The following DACH1 variants were observed in gnomAD, a reference collection of about 807,000 sequenced individuals.
DACH1 encodes dachshund family transcription factor 1, also known as dachshund homolog 1.
A neutral mutation model predicts 54.2 loss-of-function variants in DACH1; 12 were observed. The observed-to-expected ratio is 0.22, with a 90% CI of 0.14 to 0.36. DACH1 has a LOEUF of 0.36. Among genes scored for constraint, DACH1 ranks in the 10% least tolerant of loss-of-function variants. The pLI is 1.00. For synonymous variants in DACH1, 386 were observed against 366.2 expected, an observed-to-expected ratio of 1.05 and a Z score of -0.62; for missense variants, 805 against 929.8, an observed-to-expected ratio of 0.87 and a Z score of 1.75.
chr13:71,708,854 T>TG (rs1157811168), intron 1 of DACH1, among the ~76,000 whole-genome samples: 85 of 101,086 alleles, frequency 8.4e-4, no homozygotes, highest in South Asian at 2.8e-3. Flanking sequence ...TTTTTGTTGT[T>TG]TTTTTTTTTT....
chr13:71,555,052 TCTC>T (rs1483241210), intron 6 of DACH1, among the ~76,000 whole-genome samples: 1 of 152,156 alleles, frequency 6.6e-6, no homozygotes, highest in Non-Finnish European at 1.5e-5. Context: ...TCTTAGCCCT[TCTC>T]CACCATGGTG....
At chr13:71,577,861 T>G (rs896212271) in intron 3 of DACH1, among the ~76,000 whole-genome samples, 1 of 152,094 alleles carries the variant, frequency 6.6e-6, no homozygotes, top group Non-Finnish European at 1.5e-5. Flanking sequence ...CAATTTTGAG[T>G]GTGTGTACGC....
rs1381538669 is a variant in DACH1, at chr13:71,758,954, C to T, written c.849-77044G>A. The stretch of plus-strand genomic sequence containing the variant: ...GTCTTTTTTTTTTTTTCCTGTGGTC[C>T]TGTTTAAATTCTCACCTTGCTCTGC... On this transcript the variant is annotated intron_variant, in intron 1 of 10. Transcript: ENST00000613252. Among the ~76,000 whole-genome samples the T allele has an allele frequency of 2.0e-5, 3 of 150,142 alleles. No homozygotes were observed. The South Asian group carries it at 6.3e-4, about 32-fold the overall frequency.
chr13:71,765,215 T>G (rs1885570062), intron 1 of DACH1, among the ~76,000 whole-genome samples: 2 of 152,188 alleles, frequency 1.3e-5, no homozygotes, highest in South Asian at 4.1e-4. Flanking sequence ...CATCAAGTCA[T>G]ACAAACCAGG....
At chr13:71,688,205 T>G (rs1881280464) in intron 1 of DACH1, among the ~76,000 whole-genome samples, 1 of 152,102 alleles carries the variant, frequency 6.6e-6, no homozygotes, top group Non-Finnish European at 1.5e-5. Context: ...CCTCAGGAAA[T>G]AGACCCAACA....
Position 71,496,383 on chromosome 13 carries a change from G to A in DACH1, c.1571-7235C>T, listed in dbSNP as rs988046113. Among the ~76,000 whole-genome samples the A allele has an allele frequency of 3.4e-5, 5 of 145,968 alleles. No homozygotes were observed. The South Asian group carries it at 1.1e-3, about 31-fold the overall frequency. ...TATAGACAAAATGGAATACTATTCA[G>A]CCATAAATAAGAATGAAATTATGTC... On this transcript the variant is annotated intron_variant, in intron 6 of 10. Transcript: ENST00000613252.
At chr13:71,496,758 C>T (rs908210193) in intron 6 of DACH1, among the ~76,000 whole-genome samples, 6 of 152,050 alleles carry the variant, frequency 3.9e-5, no homozygotes, top group Non-Finnish European at 8.8e-5. Flanking sequence ...TTTCTTTCTA[C>T]CTCCATCTTC....
chr13:71,576,641 A>T (rs563245415), intron 3 of DACH1, among the ~76,000 whole-genome samples: 37 of 152,286 alleles, frequency 2.4e-4, no homozygotes, highest in Admixed American at 7.9e-4. Context: ...ATGGGTTACA[A>T]ATATAAAATG....
chr13:71,671,136 C>G (rs1383672926), intron 2 of DACH1, among the ~76,000 whole-genome samples: 1 of 151,884 alleles, frequency 6.6e-6, no homozygotes, highest in African/African-American at 2.4e-5. Flanking sequence ...TTATTCCAAA[C>G]CCTATCACAA....
At chr13:71,536,975 T>C (rs1882849576) in intron 6 of DACH1, among the ~76,000 whole-genome samples, 1 of 152,120 alleles carries the variant, frequency 6.6e-6, no homozygotes, top group Admixed American at 6.6e-5. Context: ...ATATTTTCAA[T>C]GCAAAAATCA....
At chr13:71,775,355 C>G (rs1310403853) in intron 1 of DACH1, among the ~76,000 whole-genome samples, 2 of 151,696 alleles carry the variant, frequency 1.3e-5, no homozygotes, top group African/African-American at 4.8e-5. Flanking sequence ...AGACAGATAA[C>G]AGTTATTCTG....
intron 1 of DACH1, among the ~76,000 whole-genome samples, chr13:71,721,147 A>G (rs1883212227): frequency 1.3e-5 from 2 of 152,164 alleles, no homozygotes; most frequent in Admixed American, 1.3e-4. Context: ...CCCTATACAT[A>G]GTGTCGATGT....
At chr13:71,735,257 G>A (rs116497465) in intron 1 of DACH1, among the ~76,000 whole-genome samples, 5,233 of 45,580 alleles carry the variant, frequency 0.11, 1,013 homozygotes, top group African/African-American at 0.17. Flanking sequence ...TGGGATATAC[G>A]TGTATATGGG....
intron 1 of DACH1, among the ~76,000 whole-genome samples, chr13:71,852,110 T>C (rs1873707836): frequency 6.6e-6 from 1 of 152,224 alleles, no homozygotes; most frequent in Admixed American, 6.5e-5. Flanking sequence ...TAGTACTGTC[T>C]GTCCACACTA....
chr13:71,438,955 A>G lies in DACH1; in HGVS notation c.*1700T>C, dbSNP rs534536410. 3 of 152,616 alleles carry G rather than the reference A, an allele frequency of 2.0e-5. No homozygotes were observed. Among genetic ancestry groups the G allele is most frequent in the Non-Finnish European group, 4.4e-5 (3 of 67,910 alleles). 9.5% of individuals were successfully genotyped at this position (152,616 alleles called of 1,614,324 possible). A position where few individuals can be genotyped will look rare whatever the true frequency, so the allele number is the denominator to read the frequency against. ...ATAACCTTTTTATGGTATTAAAAAG[A>G]TGAACTTAGCTGGCTAATAGTGAGC... is the stretch of plus-strand genomic sequence containing the variant. On this transcript the variant is annotated 3_prime_UTR_variant, in exon 11 of 11. Coordinates refer to ENST00000613252, the MANE Select transcript of DACH1 (RefSeq NM_080759.6).
At chr13:71,618,182 T>A (rs1004754677) in intron 3 of DACH1, among the ~76,000 whole-genome samples, 5 of 152,096 alleles carry the variant, frequency 3.3e-5, no homozygotes, top group African/African-American at 1.2e-4. Context: ...TGTTCAGAAT[T>A]TTTCCCTGGT....
At chr13:71,637,480 C>A (rs1360381048) in intron 2 of DACH1, among the ~76,000 whole-genome samples, 1 of 152,136 alleles carries the variant, frequency 6.6e-6, no homozygotes, top group East Asian at 1.9e-4. Context: ...ATCTAAAAAT[C>A]AGGTTTCCAT....
At chr13:71,834,218 T>G (rs957549018) in intron 1 of DACH1, among the ~76,000 whole-genome samples, 1 of 152,062 alleles carries the variant, frequency 6.6e-6, no homozygotes, top group Non-Finnish European at 1.5e-5. Context: ...TGTGCTGAAG[T>G]AATACACATT....
At position 71,447,656 on chromosome 13, in the gene DACH1, C is replaced by A. The variant is rs1177375794; in HGVS notation, c.2084-6964G>T. ...AGACCATCCTGCCATCATGGTGAAA[C>A]CCCGACTCTACTAAAAATACAAAAA... On this transcript the variant is annotated intron_variant, in intron 10 of 10. Transcript: ENST00000613252. Among the ~76,000 whole-genome samples, 3 of 151,570 alleles carry A rather than the reference C, an allele frequency of 2.0e-5. No homozygotes were observed. The East Asian group carries it at 5.9e-4, about 30-fold the overall frequency.
Sources: allele counts gnomAD v4.1 joint callset (sites outside exome capture counted in the v4.1 genomes callset), GRCh38; gene constraint gnomAD v4.1.1; transcripts MANE v1.5; gene names NCBI Gene and HGNC (gene_info 2026-07-23, HGNC 2026-07-21).